The following HCRTR2 variants were observed in gnomAD, a reference collection of about 807,000 sequenced individuals.
The protein encoded by HCRTR2 is orexin receptor type 2.
A neutral mutation model predicts 49.0 loss-of-function variants in HCRTR2; 22 were observed. That is an observed-to-expected ratio of 0.45 (90% CI 0.32 to 0.64). HCRTR2 has a LOEUF of 0.64. Among genes scored for constraint, HCRTR2 ranks in the 30% least tolerant of loss-of-function variants. HCRTR2 has a pLI of 0.04. For missense variants in HCRTR2, 491 were observed against 559.4 expected, an observed-to-expected ratio of 0.88 and a Z score of 1.23; for synonymous variants, 236 against 205.3, an observed-to-expected ratio of 1.15 and a Z score of -1.28.
At chr6:55,268,301 A>AAT (rs1766900082) in intron 4 of HCRTR2, among the ~76,000 whole-genome samples, 1 of 152,118 alleles carries the variant, frequency 6.6e-6, no homozygotes, top group Non-Finnish European at 1.5e-5. Flanking sequence ...CAAGAGATAC[A>AAT]ATATATATAA....
At chr6:55,113,614 ATTTTAACC>A (rs1764079655) in intron 1 of HCRTR2, among the ~76,000 whole-genome samples, 1 of 151,910 alleles carries the variant, frequency 6.6e-6, no homozygotes, top group Non-Finnish European at 1.5e-5. Flanking sequence ...AATTTTATCC[ATTTTAACC>A]ATAATTAAAA....
Position 55,154,181 on chromosome 6 carries a change from G to A in HCRTR2, c.-377-20030G>A, listed in dbSNP as rs1181865852. ...TCTAGGACCAGAAGTCTTCACAAAT[G>A]AATTCTACCAAACATTTAAAGTATT... On this transcript the variant is annotated intron_variant, in intron 1 of 7. Transcript: ENST00000615358. 5.3e-5 allele frequency among the ~76,000 whole-genome samples: 8 copies of A among 151,762 alleles called. 1 individual carries two copies. Among genetic ancestry groups the A allele is most frequent in the Admixed American group, 5.3e-4 (8 of 15,196 alleles).
At chr6:55,152,578 G>A (rs1764677945) in intron 1 of HCRTR2, among the ~76,000 whole-genome samples, 1 of 151,916 alleles carries the variant, frequency 6.6e-6, no homozygotes, top group Non-Finnish European at 1.5e-5. Flanking sequence ...AAATTTATTT[G>A]CCAAAGATCT....
chr6:55,118,466 G>GA (rs949948161), intron 1 of HCRTR2, among the ~76,000 whole-genome samples: 3 of 151,868 alleles, frequency 2.0e-5, no homozygotes, highest in Non-Finnish European at 1.5e-5. Context: ...GGTCTTTAAA[G>GA]AATTGCCACA....
At chr6:55,173,526 T>A (rs1764981697), upstream of HCRTR2, among the ~76,000 whole-genome samples, 1 of 152,180 alleles carries the variant, frequency 6.6e-6, no homozygotes, top group Admixed American at 6.5e-5. Context: ...ACAAAACCAG[T>A]GCATGAGAGA....
intron 1 of HCRTR2, among the ~76,000 whole-genome samples, chr6:55,242,672 A>G (rs546135380): frequency 5.9e-5 from 9 of 152,324 alleles, no homozygotes; most frequent in African/African-American, 2.2e-4. Flanking sequence ...GTTTAATAAG[A>G]GACACAATCT....
At chr6:55,153,731 A>T (rs1764693632) in intron 1 of HCRTR2, among the ~76,000 whole-genome samples, 1 of 151,980 alleles carries the variant, frequency 6.6e-6, no homozygotes, top group Admixed American at 6.6e-5. Context: ...ATTCAAAACT[A>T]GGGAAAACAG....
chr6:55,195,694 G>A (rs796114333), intron 1 of HCRTR2, among the ~76,000 whole-genome samples: 15 of 152,178 alleles, frequency 9.9e-5, no homozygotes, highest in African/African-American at 3.4e-4. Context: ...ATTCATGGCC[G>A]GGCGTGGTGG....
intron 1 of HCRTR2, among the ~76,000 whole-genome samples, chr6:55,247,069 T>C (rs1306155115): frequency 2.0e-5 from 3 of 152,064 alleles, no homozygotes; most frequent in African/African-American, 4.8e-5. Flanking sequence ...ACCAGAAATA[T>C]AATATTTTTG....
rs60397070 is a variant in HCRTR2 at position 55,203,752 on chromosome 6, T to C, written c.223+28942T>C. Among the ~76,000 whole-genome samples the C allele has an allele frequency of 4.0e-3, 602 of 152,218 alleles. 3 individuals are homozygous for C. Among genetic ancestry groups the C allele is most frequent in the African/African-American group, 0.014 (562 of 41,548 alleles). On this transcript the variant is annotated intron_variant, in intron 1 of 6. Coordinates refer to ENST00000370862, the MANE Select transcript of HCRTR2 (RefSeq NM_001384272.1). ...GTAACAGCCAGTGCAAAAGCCCTGATGTAGATGCATACCTTAGGTATACGA... is the reference window on the plus strand; with the variant it reads ...GTAACAGCCAGTGCAAAAGCCCTGACGTAGATGCATACCTTAGGTATACGA...
intron 3 of HCRTR2, among the ~76,000 whole-genome samples, chr6:55,256,782 C>G (rs1016764773): frequency 2.6e-5 from 4 of 152,048 alleles, no homozygotes; most frequent in South Asian, 2.1e-4. Context: ...TCAAACACCA[C>G]CTTGAGAACT....
At chr6:55,163,899 A>G (rs1468207385) in intron 1 of HCRTR2, among the ~76,000 whole-genome samples, 1 of 152,232 alleles carries the variant, frequency 6.6e-6, no homozygotes, top group Non-Finnish European at 1.5e-5. Context: ...GCTAATATCC[A>G]GAATCTACAA....
At chr6:55,240,010 C>A (rs1766293255) in intron 1 of HCRTR2, among the ~76,000 whole-genome samples, 1 of 151,844 alleles carries the variant, frequency 6.6e-6, no homozygotes, top group African/African-American at 2.4e-5. Flanking sequence ...CACCTGACCG[C>A]GGGTGATCCC....
intron 1 of HCRTR2, among the ~76,000 whole-genome samples, chr6:55,143,465 TA>T (rs1764537057): frequency 6.6e-6 from 1 of 152,242 alleles, no homozygotes; most frequent in South Asian, 2.1e-4. Flanking sequence ...CAATTTATTC[TA>T]AAAGAGGATT....
In HCRTR2 at chr6:55,277,474, T is replaced by C; in HGVS notation, c.857T>C (p.Met286Thr). 6.2e-7 allele frequency: 1 copy of C among 1,614,102 alleles called. No individual in the cohort carries two copies. Among genetic ancestry groups the C allele is most frequent in the Non-Finnish European group, 8.5e-7 (1 of 1,179,998 alleles). Reference protein sequence around the residue: ...RGPGQPTKSRMSAVAAEIKQI... With the variant: ...RGPGQPTKSRTSAVAAEIKQI... ...CCAGGACAGCCAACGAAGTCCCGGATGAGCGCTGTGGCGGCTGAAATAAAG... is the reference window on the plus strand; with the variant it reads ...CCAGGACAGCCAACGAAGTCCCGGACGAGCGCTGTGGCGGCTGAAATAAAG... The change falls in exon 5 of 7, where the codon ATG becomes ACG. Residue 286 changes from methionine to threonine, a missense_variant. Physicochemically the swap from Met to Thr is moderately conservative, Grantham distance 81. Coordinates refer to ENST00000370862, the MANE Select transcript of HCRTR2 (RefSeq NM_001384272.1).
At chr6:55,110,636 G>GA (rs397778464) in intron 1 of HCRTR2, among the ~76,000 whole-genome samples, 1 of 150,386 alleles carries the variant, frequency 6.6e-6, no homozygotes, top group Non-Finnish European at 1.5e-5. Context: ...GACAAAGAGG[G>GA]ACATTATATA....
At chr6:55,262,268 AT>A (rs1291941609) in intron 3 of HCRTR2, among the ~76,000 whole-genome samples, 1 of 148,326 alleles carries the variant, frequency 6.7e-6, no homozygotes, top group Non-Finnish European at 1.5e-5. Context: ...GGAATAAAAA[AT>A]TAAAAAAATA....
intron 1 of HCRTR2, among the ~76,000 whole-genome samples, chr6:55,247,091 A>T (rs1337747523): frequency 2.6e-5 from 4 of 152,034 alleles, no homozygotes; most frequent in Non-Finnish European, 5.9e-5. Flanking sequence ...CAATTTTCTC[A>T]TAACAAACTG....
intron 1 of HCRTR2, among the ~76,000 whole-genome samples, chr6:55,154,273 G>A (rs1442246373): frequency 1.3e-5 from 2 of 151,882 alleles, no homozygotes; most frequent in African/African-American, 4.8e-5. Context: ...CTCATTTTAT[G>A]AGGCCAGCAT....
Sources: allele counts gnomAD v4.1 joint callset (sites outside exome capture counted in the v4.1 genomes callset), GRCh38; gene constraint gnomAD v4.1.1; transcripts MANE v1.5; gene names NCBI Gene and HGNC (gene_info 2026-07-23, HGNC 2026-07-21).